UCK2: variants seen among roughly 807,000 people sequenced by gnomAD.
The protein encoded by UCK2 is cytidine monophosphokinase 2.
Under a neutral mutation model 30.8 loss-of-function variants are expected in UCK2, and 6 were observed. That is an observed-to-expected ratio of 0.19 (90% CI 0.11 to 0.38). UCK2 has a LOEUF of 0.38. UCK2 is among the 10% of genes least tolerant of loss of function. The pLI, the probability that UCK2 is intolerant of heterozygous loss-of-function variation, is 1.00. For missense variants in UCK2, 210 were observed against 339.8 expected (o/e 0.62, Z 3.00); for synonymous variants, 125 against 133.6 (o/e 0.94, Z 0.45).
intron 4 of UCK2, chr1:165,902,804 A>C (rs1241590739): frequency 1.1e-5 from 2 of 176,258 alleles, no homozygotes; most frequent in Non-Finnish European, 2.5e-5. Flanking sequence ...CGTGCAGCCC[A>C]GCCCTCTCGG....
intron 1 of UCK2, among the ~76,000 whole-genome samples, chr1:165,830,032 G>T (rs936825074): frequency 9.2e-5 from 14 of 152,060 alleles, no homozygotes; most frequent in Non-Finnish European, 1.6e-4. Flanking sequence ...TTGAGACAGG[G>T]TCTCACTCTT....
intron 1 of UCK2, among the ~76,000 whole-genome samples, chr1:165,841,383 C>T (rs1261082748): frequency 1.3e-5 from 2 of 152,002 alleles, no homozygotes; most frequent in African/African-American, 4.8e-5. Context: ...GGGGTTTCAC[C>T]ATGTTGGCTA....
chr1:165,895,542 C>G, intron 3 of UCK2: 2 of 985,468 alleles, frequency 2.0e-6, no homozygotes, highest in South Asian at 9.4e-5. Flanking sequence ...AAGAGCAGCT[C>G]TAGGGAGCTC....
intron 1 of UCK2, among the ~76,000 whole-genome samples, chr1:165,831,406 T>G (rs1477181586): frequency 6.6e-6 from 1 of 152,128 alleles, no homozygotes; most frequent in Non-Finnish European, 1.5e-5. Context: ...AACCAGATTT[T>G]CATATTTCCC....
chr1:165,902,275 G>C (rs1647502339), intron 4 of UCK2, among the ~76,000 whole-genome samples: 1 of 152,044 alleles, frequency 6.6e-6, no homozygotes, highest in Non-Finnish European at 1.5e-5. Flanking sequence ...CATTGAGGTG[G>C]TGTGTGCCTG....
At chr1:165,847,239 A>T (rs1185014071) in intron 1 of UCK2, among the ~76,000 whole-genome samples, 1 of 152,240 alleles carries the variant, frequency 6.6e-6, no homozygotes, top group Non-Finnish European at 1.5e-5. Context: ...CTCATCAATA[A>T]AATGGGTACC....
At chr1:165,828,308 A>AC (rs1306049348) in intron 1 of UCK2, among the ~76,000 whole-genome samples, 1 of 151,888 alleles carries the variant, frequency 6.6e-6, no homozygotes, top group African/African-American at 2.4e-5. Flanking sequence ...TCCCCCACTA[A>AC]CCCCCGATGG....
intron 1 of UCK2, among the ~76,000 whole-genome samples, chr1:165,839,727 C>G (rs1654277497): frequency 6.6e-6 from 1 of 152,170 alleles, no homozygotes; most frequent in Non-Finnish European, 1.5e-5. Flanking sequence ...CACTTTTAAT[C>G]TGTTTCTTCT....
intron 1 of UCK2, among the ~76,000 whole-genome samples, chr1:165,855,765 T>G (rs1214712623): frequency 6.6e-6 from 1 of 152,012 alleles, no homozygotes; most frequent in Non-Finnish European, 1.5e-5. Context: ...GGATGTGGGG[T>G]GGGGACGTGG....
intron 1 of UCK2, among the ~76,000 whole-genome samples, chr1:165,850,983 T>A (rs1229341310): frequency 6.8e-6 from 1 of 147,336 alleles, no homozygotes; most frequent in East Asian, 2.0e-4. Context: ...CTATGTTGCT[T>A]GGACTCCTGG....
intron 1 of UCK2, among the ~76,000 whole-genome samples, chr1:165,881,582 T>C (rs959345307): frequency 2.0e-5 from 3 of 152,236 alleles, no homozygotes; most frequent in African/African-American, 7.2e-5. Flanking sequence ...TGACTCAGTT[T>C]CTTCTTATGT....
At chr1:165,841,465 C>A (rs942365700) in intron 1 of UCK2, among the ~76,000 whole-genome samples, 1 of 152,120 alleles carries the variant, frequency 6.6e-6, no homozygotes, top group South Asian at 2.1e-4. Context: ...GGATTACAGG[C>A]GTGAGCCACC....
At chr1:165,861,248 G>A (rs890681527) in intron 1 of UCK2, among the ~76,000 whole-genome samples, 4 of 152,098 alleles carry the variant, frequency 2.6e-5, no homozygotes, top group Admixed American at 2.6e-4. Context: ...CTATTGATAC[G>A]TGGATTAAGT....
rs538941893 is a variant in UCK2, at chr1:165,871,208, G to T, written c.100-18996G>T. Among the ~76,000 whole-genome samples, 18 of 152,154 alleles carry T rather than the reference G, an allele frequency of 1.2e-4. 1 individual carries two copies. The South Asian group carries it at 3.5e-3, about 30-fold the overall frequency. On this transcript the variant is annotated intron_variant, in intron 1 of 6. Transcript: ENST00000367879. The stretch of plus-strand genomic sequence containing the variant: ...TTGCTTATTGTACCCATTTCTCATG[G>T]TATGGAAAAAAACAGGATTTCATAC...
chr1:165,904,269 T>G (rs963082985), intron 5 of UCK2: 6 of 152,214 alleles, frequency 3.9e-5, no homozygotes, highest in Admixed American at 2.6e-4. Flanking sequence ...TTTAAGGATG[T>G]TACTAGCTTT....
At chr1:165,850,854 C>T (rs1248522467) in intron 1 of UCK2, among the ~76,000 whole-genome samples, 2 of 150,762 alleles carry the variant, frequency 1.3e-5, no homozygotes, top group African/African-American at 4.9e-5. Flanking sequence ...GATCTCCTGA[C>T]CTCGTGATCC....
intron 3 of UCK2, 123 bp downstream of exon 3, chr1:165,891,445 C>A: frequency 1.2e-6 from 1 of 834,550 alleles, no homozygotes. Flanking sequence ...TGCCTAATGC[C>A]ATTCCAGCTG....
chr1:165,890,187 C>G lies in UCK2; in HGVS notation c.100-17C>G, dbSNP rs2101881203. 2 of 1,613,540 alleles carry G rather than the reference C, an allele frequency of 1.2e-6. No individual in the cohort carries two copies. The highest frequency in any genetic ancestry group is 2.2e-5 in the East Asian group (1 of 44,868). ...GCCCTTTCTCTTATTCCTGGGTGCTCTCTTCTCTCCTCACAGTCTTCCGTG... is the reference window on the plus strand; with the variant it reads ...GCCCTTTCTCTTATTCCTGGGTGCTGTCTTCTCTCCTCACAGTCTTCCGTG... On this transcript the variant is annotated splice_polypyrimidine_tract_variant and intron_variant, in intron 1 of 6. Transcript: ENST00000367879.
intron 6 of UCK2, among the ~76,000 whole-genome samples, chr1:165,907,448 C>T (rs1315683768): frequency 6.6e-6 from 1 of 152,190 alleles, no homozygotes; most frequent in East Asian, 1.9e-4. Context: ...TAAGGGCTTA[C>T]TCTGTGGTAG....
Sources: allele counts gnomAD v4.1 joint callset (sites outside exome capture counted in the v4.1 genomes callset), GRCh38; gene constraint gnomAD v4.1.1; transcripts MANE v1.5; gene names NCBI Gene and HGNC (gene_info 2026-07-23, HGNC 2026-07-21).